The following LITAF variants were observed in gnomAD, a reference collection of about 807,000 sequenced individuals.
LITAF encodes lipopolysaccharide induced TNF factor, also known as lipopolysaccharide-induced tumor necrosis factor-alpha factor.
A neutral mutation model predicts 14.5 loss-of-function variants in LITAF; 9 were observed. That is an observed-to-expected ratio of 0.62 (90% CI 0.37 to 1.08). The LOEUF is 1.08. Ranked by LOEUF, LITAF falls within the 50% of genes least tolerant of loss-of-function variation. LITAF has a pLI of 0.01. For synonymous variants in LITAF, 98 were observed against 88.2 expected (o/e 1.11, Z -0.62); for missense variants, 206 against 213.4 (o/e 0.97, Z 0.22).
intron 1 of LITAF, among the ~76,000 whole-genome samples, chr16:11,557,637 A>G (rs1001627621): frequency 3.3e-5 from 5 of 151,772 alleles, no homozygotes; most frequent in African/African-American, 1.2e-4. Context: ...TTTTGTAGAG[A>G]TGGGGGTCTC....
chr16:11,556,636 T>A lies in LITAF; in HGVS notation c.95A>T (p.Tyr32Phe), dbSNP rs1597332996. 6.2e-7 allele frequency: 1 copy of A among 1,614,066 alleles called. No homozygotes were observed. Residue 32 changes from tyrosine (Y) to phenylalanine (F), a missense_variant, in exon 2 of 4, where the codon TAT (tyrosine) becomes TTT (phenylalanine). Tyr to Phe is a conservative substitution (Grantham distance 22, BLOSUM62 3). Coordinates refer to ENST00000622633, the MANE Select transcript of LITAF (RefSeq NM_001136472.2). ...CATGGGAGCTGGAGGTGTGGGGTAATAACTGTTAACAGCCACTGTCTCTTC... is the reference window on the plus strand; with the variant it reads ...CATGGGAGCTGGAGGTGTGGGGTAAAAACTGTTAACAGCCACTGTCTCTTC... ...SYEETVAVNSYYPTPPAPMPG... is the reference protein window; with the variant it reads ...SYEETVAVNSFYPTPPAPMPG...
chr16:11,581,054 C>G (rs1370368674), intron 1 of LITAF, among the ~76,000 whole-genome samples: 1 of 152,258 alleles, frequency 6.6e-6, no homozygotes, highest in Non-Finnish European at 1.5e-5. Context: ...CATGAGCCAC[C>G]ACGCCCAGCC....
intron 3 of LITAF, among the ~76,000 whole-genome samples, chr16:11,614,472 G>C (rs766299014): frequency 6.6e-6 from 1 of 151,820 alleles, no homozygotes; most frequent in African/African-American, 2.4e-5. Context: ...GCTAATTTTT[G>C]TATTTTTAGT....
At chr16:11,587,351 C>G (rs2064819706), upstream of LITAF, 1 of 451,726 alleles carries the variant, frequency 2.2e-6, no homozygotes, top group South Asian at 1.6e-5. Context: ...GACCCCGGAC[C>G]CGCGCTGGGG....
At chr16:11,581,077 T>C (rs751375500) in intron 1 of LITAF, among the ~76,000 whole-genome samples, 19 of 152,248 alleles carry the variant, frequency 1.2e-4, no homozygotes, top group Admixed American at 6.5e-4. Flanking sequence ...TTATTCCTTT[T>C]TCGTAGCTCA....
At chr16:11,570,013 G>C (rs1258294086) in intron 1 of LITAF, among the ~76,000 whole-genome samples, 1 of 145,818 alleles carries the variant, frequency 6.9e-6, no homozygotes, top group East Asian at 1.9e-4. Flanking sequence ...CTGGGCCACA[G>C]AGCGAGACTT....
At chr16:11,594,162 G>A (rs2064866883) in intron 1 of LITAF, among the ~76,000 whole-genome samples, 1 of 150,452 alleles carries the variant, frequency 6.6e-6, no homozygotes. Context: ...CTTCAGCCTG[G>A]GTGACAAAGT....
intron 2 of LITAF, among the ~76,000 whole-genome samples, chr16:11,555,981 T>C (rs989245201): frequency 1.3e-5 from 2 of 152,078 alleles, no homozygotes; most frequent in African/African-American, 4.8e-5. Context: ...GAACTACCTG[T>C]GATACTAAAG....
At chr16:11,622,189 A>G (rs1380897645) in intron 3 of LITAF, among the ~76,000 whole-genome samples, 1 of 152,162 alleles carries the variant, frequency 6.6e-6, no homozygotes, top group African/African-American at 2.4e-5. Context: ...GTGCCACCAT[A>G]AGCCAGGCGG....
At chr16:11,614,878 AGACG>A (rs1347747779) in intron 3 of LITAF, among the ~76,000 whole-genome samples, 1 of 152,202 alleles carries the variant, frequency 6.6e-6, no homozygotes, top group East Asian at 1.9e-4. Context: ...GCTCTGTTCT[AGACG>A]GCAGGCAGTT....
chr16:11,596,790 GA>G lies in LITAF; in HGVS notation c.-6+1597del, dbSNP rs148466364. ...GGAGGAGGGGGAGGGGGACAGGGGA[GA>G]GGGGGAAGGGACAGGAGGAAAGAAG... On this transcript the variant is annotated intron_variant, in intron 1 of 3. Coordinates refer to the LITAF transcript ENST00000571627. Among the ~76,000 whole-genome samples, 339 of 118,526 alleles carry G rather than the reference GA, an allele frequency of 2.9e-3. 2 individuals carry two copies. The highest frequency in any genetic ancestry group is 0.01 in the African/African-American group (326 of 31,260). 77.8% of individuals were successfully genotyped at this position (118,526 alleles called of 152,430 possible).
intron 3 of LITAF, among the ~76,000 whole-genome samples, chr16:11,627,591 C>T (rs1249975611): frequency 6.6e-6 from 1 of 152,240 alleles, no homozygotes; most frequent in Non-Finnish European, 1.5e-5. Context: ...CGCCTGTAAT[C>T]CCAGCATTTT....
intron 3 of LITAF, among the ~76,000 whole-genome samples, chr16:11,615,181 A>G (rs2065009595): frequency 6.6e-6 from 1 of 152,240 alleles, no homozygotes; most frequent in Non-Finnish European, 1.5e-5. Context: ...TCCCAGGAAG[A>G]AAAGCGACAC....
intron 1 of LITAF, among the ~76,000 whole-genome samples, chr16:11,582,780 C>T (rs943495813): frequency 6.6e-6 from 1 of 152,244 alleles, no homozygotes; most frequent in East Asian, 1.9e-4. Flanking sequence ...TGGAGAAAAA[C>T]GTTATTTCCA....
intron 3 of LITAF, among the ~76,000 whole-genome samples, chr16:11,620,906 T>C (rs1025593509): frequency 6.6e-6 from 1 of 152,166 alleles, no homozygotes; most frequent in Non-Finnish European, 1.5e-5. Context: ...CATTTGTGAC[T>C]TTCTATTTTG....
intron 3 of LITAF, among the ~76,000 whole-genome samples, chr16:11,621,833 A>C (rs2065053272): frequency 6.6e-6 from 1 of 152,054 alleles, no homozygotes; most frequent in Non-Finnish European, 1.5e-5. Flanking sequence ...CCAGATCCTA[A>C]GATCCTGCTC....
At chr16:11,609,533 GGGTGAATT>G (rs1435572714) in intron 3 of LITAF, among the ~76,000 whole-genome samples, 3 of 152,024 alleles carry the variant, frequency 2.0e-5, no homozygotes, top group Non-Finnish European at 2.9e-5. Flanking sequence ...TGCTTTAAAT[GGGTGAATT>G]GTCCGGTATG....
At chr16:11,624,089 A>T (rs2065068729) in intron 3 of LITAF, among the ~76,000 whole-genome samples, 1 of 152,218 alleles carries the variant, frequency 6.6e-6, no homozygotes, top group Non-Finnish European at 1.5e-5. Context: ...GATCAAGACC[A>T]GCCTGGGCAA....
At chr16:11,616,029 T>C (rs1376659288) in intron 3 of LITAF, among the ~76,000 whole-genome samples, 6 of 152,156 alleles carry the variant, frequency 3.9e-5, no homozygotes, top group African/African-American at 1.4e-4. Context: ...AACCACTAGA[T>C]AGGTTTCTGG....
Sources: allele counts gnomAD v4.1 joint callset (sites outside exome capture counted in the v4.1 genomes callset), GRCh38; gene constraint gnomAD v4.1.1; transcripts MANE v1.5; gene names NCBI Gene and HGNC (gene_info 2026-07-23, HGNC 2026-07-21).